The following APP variants were observed in gnomAD, a reference collection of about 807,000 sequenced individuals.
APP encodes amyloid beta precursor protein.
A neutral mutation model predicts 101.4 loss-of-function variants in APP; 31 were observed. The ratio of observed to expected loss-of-function variants is 0.31; its 90% CI spans 0.23 to 0.41. The LOEUF (loss-of-function observed/expected upper bound fraction) is 0.41. Among genes scored for constraint, APP ranks in the 10% least tolerant of loss-of-function variants. APP has a pLI of 1.00. For synonymous variants in APP, 366 were observed against 364.4 expected (o/e 1.00, Z -0.05); for missense variants, 839 against 1,003.7 (o/e 0.84, Z 2.22).
intron 8 of APP, among the ~76,000 whole-genome samples, chr21:25,996,019 C>T (rs1449712210): frequency 1.3e-5 from 2 of 151,756 alleles, no homozygotes; most frequent in African/African-American, 4.8e-5. Flanking sequence ...TGTGCCTCTT[C>T]TTCCAGCAAT....
chr21:25,899,597 G>C lies in APP; in HGVS notation c.1964-1924C>G, dbSNP rs116192380. ...CTCTTAGTAACAGTGACGTGAGTGA[G>C]CCACGTTGGAAACAGACCCACCAGG... On this transcript the variant is annotated intron_variant, in intron 15 of 17. Coordinates refer to ENST00000346798, the MANE Select transcript of APP (RefSeq NM_000484.4). 6.6e-3 allele frequency among the ~76,000 whole-genome samples: 1,006 copies of C among 152,252 alleles called. 12 individuals are homozygous for C. The highest frequency in any genetic ancestry group is 0.023 in the African/African-American group (975 of 41,542).
intron 3 of APP, among the ~76,000 whole-genome samples, chr21:26,079,227 A>T (rs2061551628): frequency 6.6e-6 from 1 of 152,128 alleles, no homozygotes; most frequent in Non-Finnish European, 1.5e-5. Flanking sequence ...GCTAGAGTAG[A>T]AAAAGAACTT....
At chr21:25,957,801 A>C (rs972112511) in intron 11 of APP, among the ~76,000 whole-genome samples, 1 of 152,086 alleles carries the variant, frequency 6.6e-6, no homozygotes, top group Middle Eastern at 3.2e-3. Context: ...GGACAACATT[A>C]CAAGAACCTG....
chr21:26,052,539 G>T (rs2045879249), intron 4 of APP, among the ~76,000 whole-genome samples: 1 of 152,206 alleles, frequency 6.6e-6, no homozygotes, highest in Admixed American at 6.5e-5. Flanking sequence ...ACCACACAGT[G>T]ACCTTTTCAT....
At chr21:26,003,336 A>C (rs538961161) in intron 6 of APP, among the ~76,000 whole-genome samples, 1 of 152,240 alleles carries the variant, frequency 6.6e-6, no homozygotes, top group Non-Finnish European at 1.5e-5. Flanking sequence ...CATAAAGGCC[A>C]AGAAAAGAGT....
chr21:25,985,990 C>G (rs73899740), intron 8 of APP, among the ~76,000 whole-genome samples: 1 of 152,100 alleles, frequency 6.6e-6, no homozygotes. Flanking sequence ...GTGAGGATCC[C>G]GGAAGGAGAG....
intron 17 of APP, among the ~76,000 whole-genome samples, 160 bp from the exon 18 acceptor site, chr21:25,881,931 G>A (rs2037013953): frequency 6.6e-6 from 1 of 152,118 alleles, no homozygotes; most frequent in Non-Finnish European, 1.5e-5. Context: ...GGAGCAGAAC[G>A]CCTTTGCCCA....
At chr21:26,026,843 GACTT>G (rs1487250194) in intron 5 of APP, among the ~76,000 whole-genome samples, 2 of 152,164 alleles carry the variant, frequency 1.3e-5, no homozygotes, top group Non-Finnish European at 2.9e-5. Context: ...GTAAACTATG[GACTT>G]TGGGTGATAA....
At chr21:25,966,312 G>T (rs1436989515) in intron 11 of APP, among the ~76,000 whole-genome samples, 5 of 152,122 alleles carry the variant, frequency 3.3e-5, no homozygotes, top group Non-Finnish European at 7.4e-5. Context: ...TATTGGGTTT[G>T]CCCTTAGGAG....
intron 5 of APP, among the ~76,000 whole-genome samples, chr21:26,039,609 C>A (rs752806858): frequency 6.6e-6 from 1 of 152,224 alleles, no homozygotes; most frequent in African/African-American, 2.4e-5. Context: ...GCACGTGTGG[C>A]CTACTATATG....
intron 17 of APP, among the ~76,000 whole-genome samples, chr21:25,888,953 A>G (rs773041189): frequency 3.2e-4 from 49 of 152,254 alleles, no homozygotes; most frequent in Non-Finnish European, 5.7e-4. Context: ...TCATTTGGGG[A>G]AATTTTCAAC....
chr21:26,039,377 C>A (rs1160081527), intron 5 of APP, among the ~76,000 whole-genome samples: 1 of 152,224 alleles, frequency 6.6e-6, no homozygotes, highest in Non-Finnish European at 1.5e-5. Context: ...ATTCGACCAA[C>A]AGCAAACAGT....
Position 26,000,102 on chromosome 21 carries a change from A to G in APP, c.946T>C (p.Cys316Arg). Residue 316 changes from cysteine to arginine, a missense_variant, in exon 7 of 18, where the codon TGT becomes CGT. Physicochemically the swap from Cys to Arg is radical, Grantham distance 180. Transcript: ENST00000346798. ...RWYFDVTEGK[C>R]APFFYGGCGG... ...CATCCGCCGTAAAAGAATGGGGCACACTTCCCTTCAGTCACATCAAAGTAC... is the reference window on the plus strand; with the variant it reads ...CATCCGCCGTAAAAGAATGGGGCACGCTTCCCTTCAGTCACATCAAAGTAC... The G allele has an allele frequency of 3.1e-6, 5 of 1,614,202 alleles. No individual in the cohort carries two copies. Among genetic ancestry groups the G allele is most frequent in the Non-Finnish European group, 4.2e-6 (5 of 1,180,020 alleles).
At chr21:25,943,686 G>C (rs966580393) in intron 13 of APP, among the ~76,000 whole-genome samples, 7 of 151,748 alleles carry the variant, frequency 4.6e-5, no homozygotes, top group Admixed American at 3.3e-4. Flanking sequence ...TGCCTGACTC[G>C]GCCTCCCAAA....
At chr21:25,951,678 A>ATTC (rs1173291601) in intron 13 of APP, among the ~76,000 whole-genome samples, 1 of 152,236 alleles carries the variant, frequency 6.6e-6, no homozygotes. Flanking sequence ...ACTACAAGAC[A>ATTC]TAACCTGGAA....
At chr21:25,909,636 G>C (rs2038969831) in intron 14 of APP, among the ~76,000 whole-genome samples, 1 of 152,202 alleles carries the variant, frequency 6.6e-6, no homozygotes, top group African/African-American at 2.4e-5. Context: ...TAAGGCTGAT[G>C]CAACAAGGTA....
intron 4 of APP, 106 bp downstream of exon 4, chr21:26,053,130 A>T: frequency 2.2e-6 from 2 of 892,834 alleles, no homozygotes. Flanking sequence ...TTTTTCTTAA[A>T]TAACTTATCA....
chr21:26,139,915 CAAACAATT>C (rs1050597969), intron 1 of APP, among the ~76,000 whole-genome samples: 8 of 144,234 alleles, frequency 5.5e-5, no homozygotes, highest in Non-Finnish European at 1.1e-4. Flanking sequence ...AACAAACAAA[CAAACAATT>C]TTCTGGCAAA....
chr21:25,936,415 T>C (rs1373579331), intron 13 of APP, among the ~76,000 whole-genome samples: 1 of 152,166 alleles, frequency 6.6e-6, no homozygotes. Context: ...TAGCCAGGCA[T>C]GCCTGTAATC....
Sources: gnomAD v4.1 joint callset for allele counts (sites outside exome capture counted in the v4.1 genomes callset) on GRCh38, gnomAD v4.1.1 for gene constraint, MANE v1.5 for transcripts, NCBI Gene and HGNC (gene_info 2026-07-23, HGNC 2026-07-21) for gene names.